TOM1L1: variants seen among roughly 807,000 people sequenced by gnomAD.
The protein encoded by TOM1L1 is target of myb1 like 1 membrane trafficking protein, also known as TOM1-like protein 1.
TOM1L1 carries 64 observed loss-of-function variants against 63.4 expected under a neutral mutation model. The ratio of observed to expected loss-of-function variants is 1.01; its 90% CI spans 0.83 to 1.24. The LOEUF is 1.24. Ranked by LOEUF, TOM1L1 falls within the 50% of genes most tolerant of loss-of-function variation. The probability of loss-of-function intolerance (pLI) is 0.00; values close to 1 mark genes in which losing one functional copy is unlikely to be tolerated. For synonymous variants in TOM1L1, 166 were observed against 194.4 expected (o/e 0.85, Z 1.22); for missense variants, 536 against 567.0 (o/e 0.95, Z 0.55).
intron 7 of TOM1L1, among the ~76,000 whole-genome samples, chr17:54,918,599 G>A (rs2048630125): frequency 6.6e-6 from 1 of 152,096 alleles, no homozygotes; most frequent in South Asian, 2.1e-4. Flanking sequence ...AAGCTGAGGG[G>A]CTACATAACC....
intron 14 of TOM1L1, among the ~76,000 whole-genome samples, chr17:54,960,116 A>G (rs1002700056): frequency 2.0e-5 from 3 of 152,146 alleles, no homozygotes; most frequent in Admixed American, 1.3e-4. Flanking sequence ...TAATCCCAGC[A>G]CTTTGGGAGG....
intron 14 of TOM1L1, chr17:54,957,715 G>C (rs1285959724): frequency 6.6e-6 from 1 of 152,126 alleles, no homozygotes; most frequent in Non-Finnish European, 1.5e-5. Flanking sequence ...GGTTGTCCAT[G>C]AATCCCAGGT....
intron 14 of TOM1L1, among the ~76,000 whole-genome samples, chr17:54,958,704 T>C (rs1027906897): frequency 2.6e-5 from 3 of 117,424 alleles, no homozygotes; most frequent in African/African-American, 1.0e-4. Context: ...CACTCTAGCG[T>C]GGGCAACAAG....
chr17:54,938,857 G>A (rs1168713500), intron 10 of TOM1L1, 67 bp from the exon 11 acceptor site: 2 of 731,312 alleles, frequency 2.7e-6, no homozygotes, highest in Non-Finnish European at 4.2e-6. Flanking sequence ...TGTTTTTACT[G>A]TAGAAAATCC....
chr17:54,911,236 T>G (rs2048492377), intron 3 of TOM1L1, among the ~76,000 whole-genome samples: 1 of 152,124 alleles, frequency 6.6e-6, no homozygotes, highest in Admixed American at 6.5e-5. Context: ...ACCAAAGGGG[T>G]GCCTTATGTA....
In TOM1L1 at chr17:54,960,749, G is replaced by GAGTGTTTC. The variant is rs538999197; in HGVS notation, c.*1+125_*1+126insGTTTCAGT. ...ATCTGAGTCTGACACTTTGAAATAT[G>GAGTGTTTC]AGTTCCCCTGAATCATTCAAATTGT... On this transcript the variant is annotated intron_variant, in intron 15 of 15. Coordinates refer to ENST00000575882, the MANE Select transcript of TOM1L1 (RefSeq NM_005486.3). 1,582 of 706,550 alleles carry GAGTGTTTC rather than the reference G, an allele frequency of 2.2e-3. 32 individuals are homozygous for GAGTGTTTC. The South Asian group carries it at 0.026, about 11-fold the overall frequency. The allele number at this position is 706,550 out of a possible 1,614,324, so 43.8% of individuals were successfully genotyped here. A position where few individuals can be genotyped will look rare whatever the true frequency, so the allele number is the denominator to read the frequency against.
intron 14 of TOM1L1, chr17:54,952,952 A>G (rs921982366): frequency 3.3e-5 from 5 of 152,250 alleles, no homozygotes; most frequent in Non-Finnish European, 7.3e-5. Flanking sequence ...AGTTTTAGAT[A>G]CTATTTCATG....
chr17:54,914,368 GT>G (rs2048549347), intron 5 of TOM1L1, among the ~76,000 whole-genome samples: 1 of 97,664 alleles, frequency 1.0e-5, no homozygotes, highest in African/African-American at 3.2e-5. Context: ...TAGACCCTTG[GT>G]TAAAAAAAAA....
At chr17:54,945,629 T>C (rs1225894177) in intron 11 of TOM1L1, among the ~76,000 whole-genome samples, 1 of 152,216 alleles carries the variant, frequency 6.6e-6, no homozygotes, top group Non-Finnish European at 1.5e-5. Context: ...TCACCGACTG[T>C]TTCCTCTGTC....
intron 3 of TOM1L1, among the ~76,000 whole-genome samples, chr17:54,910,857 C>T (rs749960944): frequency 1.3e-4 from 20 of 152,232 alleles, no homozygotes; most frequent in Admixed American, 2.0e-4. Context: ...ATAACTTAAA[C>T]GCTATATGCT....
intron 3 of TOM1L1, among the ~76,000 whole-genome samples, chr17:54,912,331 C>G (rs984016121): frequency 8.5e-5 from 13 of 152,166 alleles, no homozygotes; most frequent in Non-Finnish European, 1.6e-4. Flanking sequence ...CTGTGCTACC[C>G]TGGGTAAACT....
intron 2 of TOM1L1, among the ~76,000 whole-genome samples, chr17:54,904,612 G>T (rs2048381572): frequency 6.6e-6 from 1 of 152,144 alleles, no homozygotes. Flanking sequence ...CCATGTTTAA[G>T]CTGTATTCTT....
chr17:54,944,064 T>C (rs562141183), intron 11 of TOM1L1, among the ~76,000 whole-genome samples: 1 of 152,176 alleles, frequency 6.6e-6, no homozygotes, highest in East Asian at 1.9e-4. Flanking sequence ...ATAATAGTTA[T>C]CTTATATATT....
At chr17:54,910,453 C>G (rs1022848037) in intron 3 of TOM1L1, among the ~76,000 whole-genome samples, 1 of 151,774 alleles carries the variant, frequency 6.6e-6, no homozygotes, top group Admixed American at 6.6e-5. Context: ...GAGACCCTGT[C>G]TCAAACAAAC....
intron 8 of TOM1L1, among the ~76,000 whole-genome samples, chr17:54,933,615 C>T (rs535999812): frequency 5.9e-5 from 9 of 152,254 alleles, no homozygotes; most frequent in Non-Finnish European, 7.4e-5. Flanking sequence ...CTCCACCTCC[C>T]GGGTTCAAGT....
chr17:54,925,481 G>C (rs1484956287), intron 7 of TOM1L1, among the ~76,000 whole-genome samples: 1 of 152,236 alleles, frequency 6.6e-6, no homozygotes. Context: ...AGAAAGTATG[G>C]ACAGTGGATC....
At chr17:54,942,104 AT>A (rs573003031) in intron 11 of TOM1L1, among the ~76,000 whole-genome samples, 6 of 148,768 alleles carry the variant, frequency 4.0e-5, no homozygotes, top group African/African-American at 7.4e-5. Context: ...AACATAGGTC[AT>A]TTTTTTTTTG....
chr17:54,904,906 T>C (rs1014443186), intron 2 of TOM1L1, among the ~76,000 whole-genome samples: 3 of 152,236 alleles, frequency 2.0e-5, no homozygotes. Flanking sequence ...ATGGTTTTTT[T>C]CCTATAATCC....
intron 2 of TOM1L1, among the ~76,000 whole-genome samples, chr17:54,904,725 A>G (rs867174055): frequency 4.6e-5 from 7 of 152,258 alleles, no homozygotes; most frequent in African/African-American, 1.4e-4. Context: ...CTTGTAGTCA[A>G]TTACAAGTTA....
Sources: allele counts gnomAD v4.1 joint callset (sites outside exome capture counted in the v4.1 genomes callset), GRCh38; gene constraint gnomAD v4.1.1; transcripts MANE v1.5; gene names NCBI Gene and HGNC (gene_info 2026-07-23, HGNC 2026-07-21).